SHCBP1L: variants seen among roughly 807,000 people sequenced by gnomAD.
SHCBP1L encodes the protein SHC binding and spindle associated 1 like, also known as testicular spindle-associated protein SHCBP1L.
SHCBP1L carries 67 observed loss-of-function variants against 62.5 expected under a neutral mutation model. The ratio of observed to expected loss-of-function variants is 1.07; its 90% confidence interval spans 0.88 to 1.31. The LOEUF is 1.31. Among genes scored for constraint, SHCBP1L ranks in the 40% most tolerant of loss-of-function variants. The probability of loss-of-function intolerance (pLI) is 0.00; values close to 1 mark genes in which losing one functional copy is unlikely to be tolerated. For synonymous variants in SHCBP1L, 284 were observed against 289.4 expected (o/e 0.98, Z 0.19); for missense variants, 823 against 809.8 (o/e 1.02, Z -0.20).
intron 6 of SHCBP1L, among the ~76,000 whole-genome samples, chr1:182,927,987 G>C (rs1049666235): frequency 1.3e-5 from 2 of 152,102 alleles, no homozygotes; most frequent in Non-Finnish European, 2.9e-5. Context: ...TAAAGCTGAG[G>C]ATAAAAGCAA....
At position 182,900,038 on chromosome 1, in the gene SHCBP1L, T is replaced by C; in HGVS notation, c.1907A>G (p.Asn636Ser). Residue 636 changes from asparagine to serine, a missense_variant, in exon 10 of 10, where the codon AAT (asparagine) becomes AGT (serine). By Grantham distance (46) the Asn-to-Ser change is conservative. Coordinates refer to ENST00000367547, the MANE Select transcript of SHCBP1L (RefSeq NM_030933.4). ...GACGTTTGCTTCTATCTTATTATTA[T>C]TCATTTCCAGATTCAGATTTTGCAT... Reference protein sequence around the residue: ...KVMQNLNLEMNNNKIEANVKG... With the variant: ...KVMQNLNLEMSNNKIEANVKG... The C allele has an allele frequency of 6.2e-7, 1 of 1,613,390 alleles. No homozygotes were observed. The highest frequency in any genetic ancestry group is 8.5e-7 in the Non-Finnish European group (1 of 1,179,608).
chr1:182,939,445 TAA>T lies in SHCBP1L; in HGVS notation c.857+20_857+21del. Reference sequence around the variant, plus strand: ...TGTTTATTTTTTCTAATGTGCGGTATAAGTTTATAAACTATACTTACAAATTA... The same window carrying T: ...TGTTTATTTTTTCTAATGTGCGGTATGTTTATAAACTATACTTACAAATTA... On this transcript the variant is annotated intron_variant, in intron 4 of 9. Coordinates refer to ENST00000367547, the MANE Select transcript of SHCBP1L (RefSeq NM_030933.4). 1 of 1,605,196 alleles carries T rather than the reference TAA, an allele frequency of 6.2e-7. No individual in the cohort carries two copies. Among genetic ancestry groups the T allele is most frequent in the Non-Finnish European group, 8.5e-7 (1 of 1,175,934 alleles).
intron 6 of SHCBP1L, among the ~76,000 whole-genome samples, chr1:182,922,161 A>G (rs1183195816): frequency 6.6e-6 from 1 of 152,230 alleles, no homozygotes; most frequent in Non-Finnish European, 1.5e-5. Flanking sequence ...AAGTTCTTAG[A>G]AACCTATCAG....
intron 9 of SHCBP1L, among the ~76,000 whole-genome samples, chr1:182,901,157 CT>C (rs1686758796): frequency 6.6e-6 from 1 of 152,042 alleles, no homozygotes; most frequent in Admixed American, 6.6e-5. Flanking sequence ...GTAATAAGAT[CT>C]ATAGAAAGAG....
chr1:182,924,673 A>ACAG, intron 6 of SHCBP1L, among the ~76,000 whole-genome samples: 1 of 115,728 alleles, frequency 8.6e-6, no homozygotes, highest in African/African-American at 3.9e-5. Context: ...TCCAACTACA[A>ACAG]AAGAAAGGAA....
intron 6 of SHCBP1L, among the ~76,000 whole-genome samples, chr1:182,907,484 G>A (rs1395154147): frequency 6.7e-6 from 1 of 150,246 alleles, no homozygotes; most frequent in East Asian, 1.9e-4. Context: ...ATAAAATTTG[G>A]AAATATATTC....
intron 9 of SHCBP1L, among the ~76,000 whole-genome samples, chr1:182,902,185 G>A (rs916591657): frequency 3.3e-5 from 5 of 151,516 alleles, no homozygotes; most frequent in South Asian, 4.2e-4. Context: ...GAATAGCTGG[G>A]ACTACAGGCA....
chr1:182,941,980 C>A, intron 2 of SHCBP1L: 1 of 1,078,786 alleles, frequency 9.3e-7, no homozygotes, highest in Non-Finnish European at 1.4e-6. Flanking sequence ...GGGATTCCCT[C>A]CTTCTTAAAA....
At position 182,939,236 on chromosome 1, in the gene SHCBP1L, T is replaced by C. The variant is rs373686225; in HGVS notation, c.1016A>G (p.Lys339Arg). ...ACAGAGCATGACTATCTCATAGTAT[T>C]TTTTCCAGCATTCAACAGCCTCTGC... ...SAAEAVECWK[K>R]YYEIVMLCGL... is the part of the protein sequence containing the mutation. Residue 339 changes from lysine to arginine, a missense_variant, in exon 5 of 10, where the codon AAA becomes AGA. Transcript: ENST00000367547. 1.2e-6 allele frequency: 2 copies of C among 1,614,012 alleles called. No individual in the cohort carries two copies. The highest frequency in any genetic ancestry group is 8.5e-7 in the Non-Finnish European group (1 of 1,179,962).
intron 9 of SHCBP1L, 31 bp downstream of exon 9, chr1:182,903,008 A>G (rs747011667): frequency 1.4e-5 from 21 of 1,514,516 alleles, no homozygotes; most frequent in South Asian, 2.7e-5. Context: ...CAATTCTTAT[A>G]ACAATGCTAC....
At chr1:182,927,880 CA>C (rs966010611) in intron 6 of SHCBP1L, among the ~76,000 whole-genome samples, 5 of 150,792 alleles carry the variant, frequency 3.3e-5, no homozygotes, top group Non-Finnish European at 7.4e-5. Flanking sequence ...AAGCACTGAA[CA>C]AAAAAAATCA....
chr1:182,937,581 A>G (rs1651220848), intron 5 of SHCBP1L, among the ~76,000 whole-genome samples: 1 of 152,150 alleles, frequency 6.6e-6, no homozygotes. Context: ...GAAAATTCTC[A>G]TCATTATTAA....
At chr1:182,932,615 C>T (rs1046082508) in intron 5 of SHCBP1L, among the ~76,000 whole-genome samples, 1 of 152,134 alleles carries the variant, frequency 6.6e-6, no homozygotes, top group South Asian at 2.1e-4. Flanking sequence ...CTGCCTCAGC[C>T]TCCCAAGTAG....
intron 3 of SHCBP1L, among the ~76,000 whole-genome samples, chr1:182,940,113 A>C (rs1377346846): frequency 6.6e-6 from 1 of 152,194 alleles, no homozygotes; most frequent in Non-Finnish European, 1.5e-5. Flanking sequence ...AAAAAATTGC[A>C]AACTTTTCAT....
At position 182,905,484 on chromosome 1, in the gene SHCBP1L, T is replaced by A; in HGVS notation, c.1336+12A>T. 9 of 1,612,184 alleles carry A rather than the reference T, an allele frequency of 5.6e-6. No homozygotes were observed. Among genetic ancestry groups the A allele is most frequent in the Non-Finnish European group, 7.6e-6 (9 of 1,179,462 alleles). Reference sequence around the variant, plus strand: ...TTGCTGTAAAAAAAACTACAAAGGATGCCCTGCTAACCCTTTATAATGATG... The same window carrying A: ...TTGCTGTAAAAAAAACTACAAAGGAAGCCCTGCTAACCCTTTATAATGATG... On this transcript the variant is annotated intron_variant, in intron 7 of 9. Coordinates refer to ENST00000367547, the MANE Select transcript of SHCBP1L (RefSeq NM_030933.4).
At position 182,952,865 on chromosome 1, in the gene SHCBP1L, TCCGCCGCCG is replaced by T. The variant is rs747708113; in HGVS notation, c.260_268del (p.Ala87_Ala89del). ...CTCAGGCACTGGCAGCAGGGGCTCCTCCGCCGCCGCCGCCGCCGCCTCTCCCGTGTCCTC... is the reference window on the plus strand; with the variant it reads ...CTCAGGCACTGGCAGCAGGGGCTCCTCCGCCGCCGCCTCTCCCGTGTCCTC... On this transcript the variant is annotated inframe_deletion, in exon 1 of 10. Transcript: ENST00000367547. 30 of 1,601,470 alleles carry T rather than the reference TCCGCCGCCG, an allele frequency of 1.9e-5. No individual in the cohort carries two copies. The highest frequency in any genetic ancestry group is 3.3e-4 in the Middle Eastern group (2 of 6,018).
Position 182,939,311 on chromosome 1 carries a change from CGTTT to C in SHCBP1L, c.937_940del (p.Lys313ValfsTer30). On this transcript the variant is annotated frameshift_variant, in exon 5 of 10. Coordinates refer to ENST00000367547, the MANE Select transcript of SHCBP1L (RefSeq NM_030933.4). LOFTEE classifies it high-confidence loss of function. Reference sequence around the variant, plus strand: ...GCTCTGATACTCAATGAGCTCGACACGTTTGTTTTTATATTTCTCCAAAGTTTTT... The same window carrying C: ...GCTCTGATACTCAATGAGCTCGACACGTTTTTATATTTCTCCAAAGTTTTT... 1 of 1,613,892 alleles carries C rather than the reference CGTTT, an allele frequency of 6.2e-7. No homozygotes were observed. The highest frequency in any genetic ancestry group is 8.5e-7 in the Non-Finnish European group (1 of 1,179,924).
Position 182,931,943 on chromosome 1 carries a change from ATTTTTTTTTT to A in SHCBP1L, c.1077-2201_1077-2192del, listed in dbSNP as rs1164377476. Among the ~76,000 whole-genome samples, 7 of 69,678 alleles carry A rather than the reference ATTTTTTTTTT, an allele frequency of 1.0e-4. 1 individual carries two copies. Among genetic ancestry groups the A allele is most frequent in the South Asian group, 1.3e-3 (2 of 1,562 alleles). The allele number at this position is 69,678 out of a possible 152,430, so 45.7% of individuals were successfully genotyped here. Reference sequence around the variant, plus strand: ...CTCCCTTAATACTTGGGAACCACTGATTTTTTTTTTTTTTTTTTTTTTTTTTTTTTACTGC... The same window carrying A: ...CTCCCTTAATACTTGGGAACCACTGATTTTTTTTTTTTTTTTTTTTACTGC... On this transcript the variant is annotated intron_variant, in intron 5 of 9. Transcript: ENST00000367547.
At chr1:182,932,511 C>T (rs1651039595) in intron 5 of SHCBP1L, among the ~76,000 whole-genome samples, 1 of 148,410 alleles carries the variant, frequency 6.7e-6, no homozygotes, top group East Asian at 1.9e-4. Flanking sequence ...GTCAGAGTCT[C>T]GCTCTGTTGC....
Sources: allele counts gnomAD v4.1 joint callset (sites outside exome capture counted in the v4.1 genomes callset), GRCh38; gene constraint gnomAD v4.1.1; transcripts MANE v1.5; gene names NCBI Gene and HGNC (gene_info 2026-07-23, HGNC 2026-07-21).